CNIH3: variants seen among roughly 807,000 people sequenced by gnomAD.
The protein encoded by CNIH3 is cornichon family AMPA receptor auxiliary protein 3.
A neutral mutation model predicts 24.1 loss-of-function variants in CNIH3; 14 were observed. The ratio of observed to expected loss-of-function variants is 0.58; its 90% CI spans 0.38 to 0.91. The LOEUF (loss-of-function observed/expected upper bound fraction) is 0.91, where lower values mean the gene tolerates loss of function less well. CNIH3 is among the 40% of genes least tolerant of loss of function. The pLI is 0.00. For synonymous variants in CNIH3, 68 were observed against 73.8 expected (o/e 0.92, Z 0.40); for missense variants, 178 against 196.8 (o/e 0.90, Z 0.57).
In CNIH3 at chr1:224,506,873, C is replaced by CT. The variant is rs113177657; in HGVS notation, n.204-8857dup. On this transcript the variant is annotated intron_variant and non_coding_transcript_variant, in intron 1 of 5. Coordinates refer to the CNIH3 transcript ENST00000471578. ...CTCATAAAAGAAGGAAGCACCAATT[C>CT]TTTTTTTTTTTGAGACAGGGTCTCT... Among the ~76,000 whole-genome samples the CT allele has an allele frequency of 2.1e-3, 314 of 146,954 alleles. 2 individuals carry two copies. In the East Asian group the frequency reaches 0.023, roughly 11 times the overall value.
chr1:224,467,201 G>GT (rs1431109656), intron 1 of CNIH3, among the ~76,000 whole-genome samples: 5 of 151,934 alleles, frequency 3.3e-5, no homozygotes, highest in Admixed American at 1.3e-4. Flanking sequence ...AATTTTTTCT[G>GT]TTTTTTGTAG....
intron 1 of CNIH3, among the ~76,000 whole-genome samples, chr1:224,657,409 T>G (rs939985737): frequency 8.2e-5 from 12 of 146,822 alleles, no homozygotes; most frequent in Admixed American, 5.5e-4. Flanking sequence ...AGAAATAGGG[T>G]AGAGAGAGAG....
intron 3 of CNIH3, among the ~76,000 whole-genome samples, chr1:224,607,807 G>A (rs1415035664): frequency 4.6e-5 from 7 of 152,122 alleles, no homozygotes; most frequent in Non-Finnish European, 4.4e-5. Context: ...TGGGAAGTTG[G>A]TGTGTGTGAC....
intron 3 of CNIH3, among the ~76,000 whole-genome samples, chr1:224,720,808 G>T (rs758205005): frequency 6.6e-6 from 1 of 152,094 alleles, no homozygotes; most frequent in African/African-American, 2.4e-5. Flanking sequence ...TCGCCATGTC[G>T]TTCCCTGGAA....
chr1:224,552,898 A>G (rs75929184), intron 3 of CNIH3, among the ~76,000 whole-genome samples: 5,079 of 151,314 alleles, frequency 0.034, 115 homozygotes, highest in Middle Eastern at 0.083. Context: ...TATGAATAAT[A>G]TCACAGGATA....
intron 3 of CNIH3, among the ~76,000 whole-genome samples, chr1:224,709,094 C>T (rs917035676): frequency 6.6e-5 from 10 of 152,208 alleles, no homozygotes; most frequent in Non-Finnish European, 1.5e-4. Flanking sequence ...GTGACCACCA[C>T]GCGCGTCTGT....
At chr1:224,613,365 A>G (rs1025920455), upstream of CNIH3, among the ~76,000 whole-genome samples, 4 of 152,244 alleles carry the variant, frequency 2.6e-5, no homozygotes, top group African/African-American at 9.6e-5. Flanking sequence ...AAAGCAACAT[A>G]GGGTATAACC....
intron 1 of CNIH3, among the ~76,000 whole-genome samples, chr1:224,516,284 C>T (rs59319739): frequency 4.2e-5 from 6 of 142,518 alleles, no homozygotes; most frequent in South Asian, 2.3e-4. Flanking sequence ...ACTGCATTCC[C>T]GCCTGGCGAC....
At chr1:224,576,640 G>A (rs576505264) in intron 4 of CNIH3, among the ~76,000 whole-genome samples, 21 of 152,252 alleles carry the variant, frequency 1.4e-4, no homozygotes, top group African/African-American at 2.4e-4. Context: ...CAACTGAGCC[G>A]TGTAGTATAC....
At chr1:224,634,285 A>G (rs1377489761) in intron 1 of CNIH3, among the ~76,000 whole-genome samples, 1 of 152,196 alleles carries the variant, frequency 6.6e-6, no homozygotes, top group Non-Finnish European at 1.5e-5. Context: ...TGTGTGAATT[A>G]AGAATAAGAA....
intron 1 of CNIH3, among the ~76,000 whole-genome samples, chr1:224,475,532 C>T (rs1676554736): frequency 6.6e-6 from 1 of 152,008 alleles, no homozygotes; most frequent in Non-Finnish European, 1.5e-5. Flanking sequence ...AAGACTGAAC[C>T]ATGAAGAAAT....
In CNIH3 at chr1:224,684,900, AC is replaced by A; in HGVS notation, c.198+58del. The A allele has an allele frequency of 6.6e-7, 1 of 1,522,758 alleles. No homozygotes were observed. Among genetic ancestry groups the A allele is most frequent in the Non-Finnish European group, 9.1e-7 (1 of 1,096,864 alleles). 94.3% of individuals were successfully genotyped at this position (1,522,758 alleles called of 1,614,324 possible). On this transcript the variant is annotated intron_variant, in intron 3 of 5. Coordinates refer to ENST00000272133, the MANE Select transcript of CNIH3 (RefSeq NM_152495.2). The surrounding 1 kb of genome is among the most constrained non-coding windows in gnomAD (Gnocchi z 4.2). ...GGATCGCATGGTGGTGGGTGGGCAC[AC>A]AGTGAAAGAGGCTAGTGAGGCTCTG... is the stretch of plus-strand genomic sequence containing the variant.
At chr1:224,624,560 G>A (rs990646330) in intron 1 of CNIH3, among the ~76,000 whole-genome samples, 26 of 152,046 alleles carry the variant, frequency 1.7e-4, no homozygotes, top group Admixed American at 5.9e-4. Flanking sequence ...AGCCATGTCT[G>A]TCCCCTCCCT....
chr1:224,688,933 A>G (rs1686796993), intron 3 of CNIH3, among the ~76,000 whole-genome samples: 1 of 152,158 alleles, frequency 6.6e-6, no homozygotes, highest in Non-Finnish European at 1.5e-5. Context: ...CTCAAAAAAA[A>G]AAAAAAAAAG....
At chr1:224,463,669 A>G (rs1441572883) in intron 1 of CNIH3, among the ~76,000 whole-genome samples, 1 of 150,842 alleles carries the variant, frequency 6.6e-6, no homozygotes, top group East Asian at 2.0e-4. Context: ...AGCCTCCCAA[A>G]GTGCTGGGAT....
chr1:224,669,481 T>G (rs1334382489), intron 1 of CNIH3, among the ~76,000 whole-genome samples: 1 of 152,144 alleles, frequency 6.6e-6, no homozygotes, highest in Non-Finnish European at 1.5e-5. Flanking sequence ...ATGCTGGCTT[T>G]ATCATCCACC....
chr1:224,735,808 G>A (rs1689565937), intron 5 of CNIH3, among the ~76,000 whole-genome samples: 1 of 151,778 alleles, frequency 6.6e-6, no homozygotes, highest in Admixed American at 6.6e-5. Context: ...GTGTCACCAT[G>A]CCCGGCTATA....
chr1:224,637,233 G>C (rs776585515), intron 1 of CNIH3, among the ~76,000 whole-genome samples: 4 of 152,066 alleles, frequency 2.6e-5, no homozygotes, highest in Admixed American at 6.6e-5. Context: ...GATTACAGGC[G>C]TGAACCACCA....
chr1:224,434,949 G>T, intron 1 of CNIH3: 1 of 985,726 alleles, frequency 1.0e-6, no homozygotes, highest in Non-Finnish European at 1.2e-6. Flanking sequence ...CGGGCCGGCG[G>T]GGTCCGCCCC....
Sources: gnomAD v4.1 joint callset for allele counts (sites outside exome capture counted in the v4.1 genomes callset) on GRCh38, gnomAD v4.1.1 for gene constraint, Gnocchi (gnomAD v3.1) non-coding constraint, MANE v1.5 for transcripts, NCBI Gene and HGNC (gene_info 2026-07-23, HGNC 2026-07-21) for gene names.